SLC45A4: variants seen among roughly 807,000 people sequenced by gnomAD.
SLC45A4 encodes the protein polyamine-transporter SLC45A4.
SLC45A4 carries 32 observed loss-of-function variants against 63.7 expected under a neutral mutation model. That is an observed-to-expected ratio of 0.50 (90% CI 0.38 to 0.67). The LOEUF is 0.67. Ranked by LOEUF, SLC45A4 falls within the 30% of genes least tolerant of loss-of-function variation. The probability of loss-of-function intolerance (pLI) is 0.00; values close to 1 mark genes in which losing one functional copy is unlikely to be tolerated. For missense variants in SLC45A4, 1,027 were observed against 1,157.7 expected, an observed-to-expected ratio of 0.89 and a Z score of 1.64; for synonymous variants, 535 against 510.0, an observed-to-expected ratio of 1.05 and a Z score of -0.66.
intron 2 of SLC45A4, among the ~76,000 whole-genome samples, chr8:141,253,751 C>CCA (rs1161565601): frequency 1.3e-5 from 2 of 152,206 alleles, no homozygotes; most frequent in African/African-American, 2.4e-5. Flanking sequence ...TGCTGAGCTA[C>CCA]CACTTTGCCA....
At position 141,217,079 on chromosome 8, in the gene SLC45A4, G is replaced by C. The variant is rs1569557931; in HGVS notation, c.1729+11C>G. ...GGGTGCGAGTGCTGACCTGACTTGG[G>C]GAGCTCTTACCTGAACAAATAGCAC... On this transcript the variant is annotated intron_variant, in intron 6 of 8. Coordinates refer to ENST00000517878, the MANE Select transcript of SLC45A4 (RefSeq NM_001286646.2). 6.2e-7 allele frequency: 1 copy of C among 1,613,346 alleles called. No homozygotes were observed. Among genetic ancestry groups the C allele is most frequent in the Non-Finnish European group, 8.5e-7 (1 of 1,179,770 alleles).
chr8:141,234,581 AG>A (rs1199139713), intron 2 of SLC45A4, among the ~76,000 whole-genome samples: 1 of 152,194 alleles, frequency 6.6e-6, no homozygotes, highest in Admixed American at 6.5e-5. Flanking sequence ...AAGGGTCCAG[AG>A]GTGGGCAGGG....
intron 2 of SLC45A4, among the ~76,000 whole-genome samples, chr8:141,244,973 T>TG (rs1828108296): frequency 2.7e-5 from 1 of 36,928 alleles, no homozygotes; most frequent in Non-Finnish European, 4.8e-5. Context: ...GGGGGGGCGG[T>TG]GTGGAGGTGG....
chr8:141,293,084 G>A (rs564858615), intron 1 of SLC45A4, among the ~76,000 whole-genome samples: 2 of 152,214 alleles, frequency 1.3e-5, no homozygotes, highest in African/African-American at 4.8e-5. Context: ...ACTGAGGCTG[G>A]ATGCGTGGGC....
In SLC45A4 at chr8:141,229,988, A is replaced by AC. The variant is rs1487529908; in HGVS notation, c.242-8224dup. 2.2e-6 allele frequency: 1 copy of AC among 450,652 alleles called. No individual in the cohort carries two copies. Among genetic ancestry groups the AC allele is most frequent in the Non-Finnish European group, 4.5e-6 (1 of 223,680 alleles). 27.9% of individuals were successfully genotyped at this position (450,652 alleles called of 1,614,324 possible). ...CTCCCGAGGCCGTGGTGCTCTGATG[A>AC]CATCCATGGGCAGTGAGTTCAAAAT... On this transcript the variant is annotated intron_variant, in intron 2 of 8. Coordinates refer to ENST00000517878, the MANE Select transcript of SLC45A4 (RefSeq NM_001286646.2). The surrounding 1 kb of genome is among the most constrained non-coding windows in gnomAD (Gnocchi z 5.0).
At chr8:141,241,342 T>G (rs1555571438) in intron 2 of SLC45A4, among the ~76,000 whole-genome samples, 1 of 151,946 alleles carries the variant, frequency 6.6e-6, no homozygotes, top group Non-Finnish European at 1.5e-5. Flanking sequence ...CTGGGGACAG[T>G]GGCGAGGTCC....
chr8:141,221,663 C>T lies in SLC45A4; in HGVS notation c.344G>A (p.Ser115Asn). The T allele has an allele frequency of 1.2e-6, 2 of 1,614,110 alleles. No individual in the cohort carries two copies. The highest frequency in any genetic ancestry group is 1.7e-6 in the Non-Finnish European group (2 of 1,180,042). ...GATGAAGGGCCGCCGGCGGCCCCAG[C>T]TCAGGGTGCACCGGTCACTCGCAGA... ...IGSASDRCTL[S>N]WGRRRPFILA... is the part of the protein sequence containing the mutation. Residue 115 changes from serine to asparagine, a missense_variant, in exon 3 of 9, where the codon AGC becomes AAC. Physicochemically the swap from Ser to Asn is conservative, Grantham distance 46. Coordinates refer to ENST00000517878, the MANE Select transcript of SLC45A4 (RefSeq NM_001286646.2).
chr8:141,212,166 G>T (rs1825867366), intron 8 of SLC45A4, 31 bp downstream of exon 8: 4 of 283,178 alleles, frequency 1.4e-5, no homozygotes, highest in Non-Finnish European at 1.9e-5. Flanking sequence ...CCGCCCACTG[G>T]AATGTGTGTA....
At chr8:141,286,271 T>G (rs1043558970) in intron 1 of SLC45A4, among the ~76,000 whole-genome samples, 1 of 152,096 alleles carries the variant, frequency 6.6e-6, no homozygotes, top group Non-Finnish European at 1.5e-5. Context: ...CTGAGGAGAA[T>G]GGGCGGTGGT....
At position 141,220,947 on chromosome 8, in the gene SLC45A4, A is replaced by G. The variant is rs554411648; in HGVS notation, c.430+630T>C. On this transcript the variant is annotated intron_variant, in intron 3 of 8. Coordinates refer to ENST00000517878, the MANE Select transcript of SLC45A4 (RefSeq NM_001286646.2). ...TCAGAGGCATCGCCTGTTGGCGACG[A>G]AGCCCACCCCATGGCCAGTGCCCAC... Among the ~76,000 whole-genome samples the G allele has an allele frequency of 2.6e-5, 4 of 152,334 alleles. No individual in the cohort carries two copies. The East Asian group carries it at 7.7e-4, about 29-fold the overall frequency.
chr8:141,282,410 G>T (rs1301092230), intron 1 of SLC45A4, among the ~76,000 whole-genome samples: 4 of 152,200 alleles, frequency 2.6e-5, no homozygotes, highest in Non-Finnish European at 5.9e-5. Flanking sequence ...CACTAGTCAA[G>T]CTCACCCGCT....
At position 141,300,492 on chromosome 8, in the gene SLC45A4, C is replaced by G. The variant is rs188819107; in HGVS notation, c.-401+7604G>C. ...TCAGGGATGCCAAGTGTCAACGCCC[C>G]GGACCAGCCTCATCTGGTTCTCGGG... On this transcript the variant is annotated intron_variant, in intron 1 of 8. Coordinates refer to ENST00000517878, the MANE Select transcript of SLC45A4 (RefSeq NM_001286646.2). Among the ~76,000 whole-genome samples the G allele has an allele frequency of 2.8e-3, 427 of 152,362 alleles. 3 individuals are homozygous for G. The highest frequency in any genetic ancestry group is 4.6e-3 in the Non-Finnish European group (314 of 68,036).
intron 1 of SLC45A4, among the ~76,000 whole-genome samples, chr8:141,287,324 C>T (rs1830184482): frequency 6.6e-6 from 1 of 152,246 alleles, no homozygotes; most frequent in South Asian, 2.1e-4. Flanking sequence ...ATACTAACTA[C>T]AGCATCGTGA....
intron 1 of SLC45A4, among the ~76,000 whole-genome samples, chr8:141,283,560 C>T (rs1157781488): frequency 1.3e-5 from 2 of 152,240 alleles, no homozygotes; most frequent in East Asian, 3.8e-4. Context: ...CCCGCCTACG[C>T]TTTAGGCTAG....
At chr8:141,294,085 C>A (rs1214396379) in intron 1 of SLC45A4, among the ~76,000 whole-genome samples, 1 of 152,182 alleles carries the variant, frequency 6.6e-6, no homozygotes, top group Non-Finnish European at 1.5e-5. Flanking sequence ...CTTGGGCACA[C>A]CACGCTGCAG....
intron 1 of SLC45A4, among the ~76,000 whole-genome samples, chr8:141,270,794 A>G (rs72681594): frequency 0.048 from 7,289 of 152,116 alleles, 209 homozygotes; most frequent in Middle Eastern, 0.095. Context: ...CCCTTCCCCC[A>G]GCCCAGGGGG....
At chr8:141,217,294 C>T (rs771596562) in intron 5 of SLC45A4, 105 bp from the exon 6 acceptor site, 101 of 1,218,964 alleles carry the variant, frequency 8.3e-5, no homozygotes, top group Non-Finnish European at 1.0e-4. Context: ...ATTCTAAGAG[C>T]GGTGACAGGA....
chr8:141,284,897 C>T (rs374607723), intron 1 of SLC45A4, among the ~76,000 whole-genome samples: 6 of 152,212 alleles, frequency 3.9e-5, no homozygotes, highest in East Asian at 1.9e-4. Context: ...GTCCCTGCCA[C>T]GGCTGACATT....
intron 1 of SLC45A4, among the ~76,000 whole-genome samples, chr8:141,283,070 A>C (rs1313267489): frequency 6.6e-6 from 1 of 152,166 alleles, no homozygotes; most frequent in Non-Finnish European, 1.5e-5. Context: ...GTGCTGATAA[A>C]CCACCCCTAC....
Sources: gnomAD v4.1 joint callset for allele counts (sites outside exome capture counted in the v4.1 genomes callset) on GRCh38, gnomAD v4.1.1 for gene constraint, Gnocchi (gnomAD v3.1) non-coding constraint, MANE v1.5 for transcripts, NCBI Gene and HGNC (gene_info 2026-07-23, HGNC 2026-07-21) for gene names.